KCNQ4: variants seen among roughly 807,000 people sequenced by gnomAD.
KCNQ4 encodes potassium voltage-gated channel subfamily KQT member 4.
Under a neutral mutation model 72.6 loss-of-function variants are expected in KCNQ4, and 31 were observed. The observed-to-expected ratio is 0.43, with a 90% CI of 0.32 to 0.58. The LOEUF is 0.58. Ranked by LOEUF, KCNQ4 falls within the 20% of genes least tolerant of loss-of-function variation. The probability of loss-of-function intolerance (pLI) is 0.08; values close to 1 mark genes in which losing one functional copy is unlikely to be tolerated. For missense variants in KCNQ4, 869 were observed against 962.6 expected (o/e 0.90, Z 1.29); for synonymous variants, 405 against 403.7 (o/e 1.00, Z -0.04).
chr1:40,837,714 A>G lies in KCNQ4; in HGVS notation c.1795A>G (p.Lys599Glu). 4 of 1,613,354 alleles carry G rather than the reference A, an allele frequency of 2.5e-6. No homozygotes were observed. The East Asian group carries it at 8.9e-5, about 36-fold the overall frequency. Reference protein sequence around the residue: ...RGPGDRKAREKGDKGPSDAEV... With the variant: ...RGPGDRKAREEGDKGPSDAEV... ...GCCCGGGGACAGGAAGGCCCGGGAG[A>G]AGGGCGACAAGGGGCCCTCCGACGC... The change falls in exon 13 of 14, where the codon AAG becomes GAG. Residue 599 changes from lysine to glutamate, a missense_variant. This residue lies in a region of KCNQ4 where 480 missense variants were observed against 501.9 expected (regional missense o/e 0.96). Transcript: ENST00000347132.
rs1471929152 is a variant in KCNQ4, at chr1:40,784,581, G to T, written c.314+174G>T. The stretch of plus-strand genomic sequence containing the variant: ...ATCCCCTCGCTGAGCCCGACCCTAA[G>T]CCCTGATCTCCCAGGCCTGACCCCT... On this transcript the variant is annotated intron_variant, in intron 1 of 13. Coordinates refer to ENST00000347132, the MANE Select transcript of KCNQ4 (RefSeq NM_004700.4). This position sits in a 1 kb window ranked among gnomAD's most constrained non-coding sequence, Gnocchi z 4.1. Among the ~76,000 whole-genome samples, 1 of 151,902 alleles carries T rather than the reference G, an allele frequency of 6.6e-6. No individual in the cohort carries two copies. Among genetic ancestry groups the T allele is most frequent in the African/African-American group, 2.4e-5 (1 of 41,358 alleles).
chr1:40,820,370 A>G (rs2148320550), intron 7 of KCNQ4, 110 bp downstream of exon 7: 1 of 927,116 alleles, frequency 1.1e-6, no homozygotes, highest in East Asian at 2.6e-5. Flanking sequence ...ACCACTTTGA[A>G]GCTCAAAAGG....
In KCNQ4 at chr1:40,794,409, A is replaced by G. The variant is rs1429060695; in HGVS notation, c.314+10002A>G. On this transcript the variant is annotated intron_variant, in intron 1 of 13. Coordinates refer to ENST00000347132, the MANE Select transcript of KCNQ4 (RefSeq NM_004700.4). This position sits in a 1 kb window ranked among gnomAD's most constrained non-coding sequence, Gnocchi z 4.2. Reference sequence around the variant, plus strand: ...TTCCAGTACCCGCTAGGTAGCAGGCACTATTATTGTTCCCATTTTGCAGAC... The same window carrying G: ...TTCCAGTACCCGCTAGGTAGCAGGCGCTATTATTGTTCCCATTTTGCAGAC... Among the ~76,000 whole-genome samples the G allele has an allele frequency of 6.6e-6, 1 of 152,192 alleles. No individual in the cohort carries two copies. The highest frequency in any genetic ancestry group is 1.9e-4 in the East Asian group (1 of 5,196).
intron 1 of KCNQ4, among the ~76,000 whole-genome samples, chr1:40,808,096 G>A (rs905997250): frequency 8.6e-5 from 13 of 151,270 alleles, no homozygotes; most frequent in African/African-American, 3.2e-4. Flanking sequence ...AACAGAGCAA[G>A]ACCCTGTCTC....
At chr1:40,809,172 G>A (rs1226824375) in intron 1 of KCNQ4, among the ~76,000 whole-genome samples, 2 of 152,146 alleles carry the variant, frequency 1.3e-5, no homozygotes, top group East Asian at 3.8e-4. Flanking sequence ...TCTCTCTTCT[G>A]CTTTCCCTCC....
intron 9 of KCNQ4, among the ~76,000 whole-genome samples, chr1:40,827,985 C>T (rs1434867652): frequency 6.6e-6 from 1 of 152,200 alleles, no homozygotes; most frequent in Non-Finnish European, 1.5e-5. Flanking sequence ...GTCTCTGGGT[C>T]AGGCCCGCCA....
At position 40,837,726 on chromosome 1, in the gene KCNQ4, G is replaced by A. The variant is rs755220278; in HGVS notation, c.1807G>A (p.Gly603Arg). ...DRKAREKGDK[G>R]PSDAEVVDEI... ...GAAGGCCCGGGAGAAGGGCGACAAG[G>A]GGCCCTCCGACGCGGAGGTGGTGGA... Residue 603 changes from glycine to arginine, a missense_variant, in exon 13 of 14, where the codon GGG (glycine) becomes AGG (arginine). Gly to Arg is a moderately radical substitution (Grantham distance 125). Transcript: ENST00000347132. The A allele has an allele frequency of 6.2e-7, 1 of 1,613,242 alleles. No individual in the cohort carries two copies. The highest frequency in any genetic ancestry group is 2.2e-5 in the East Asian group (1 of 44,864).
chr1:40,821,827 A>G (rs1427252739), intron 7 of KCNQ4, among the ~76,000 whole-genome samples: 1 of 152,222 alleles, frequency 6.6e-6, no homozygotes, highest in Non-Finnish European at 1.5e-5. Context: ...GATAAGGGGA[A>G]TAACAGGAGT....
In KCNQ4 at chr1:40,839,395, C is replaced by G. The variant is rs553396463; in HGVS notation, c.*872C>G. On this transcript the variant is annotated 3_prime_UTR_variant, in exon 14 of 14. Transcript: ENST00000347132. ...AGTGCTTCGTGGACGATCGCACAAACATAGCCTTTTAGTTTCTCCAGACAG... is the reference window on the plus strand; with the variant it reads ...AGTGCTTCGTGGACGATCGCACAAAGATAGCCTTTTAGTTTCTCCAGACAG... 1.3e-5 allele frequency: 2 copies of G among 152,372 alleles called. No individual in the cohort carries two copies. Among genetic ancestry groups the G allele is most frequent in the Admixed American group, 1.3e-4 (2 of 15,284 alleles). The allele number at this position is 152,372 out of a possible 1,614,324, so 9.4% of individuals were successfully genotyped here. A position where few individuals can be genotyped will look rare whatever the true frequency, so the allele number is the denominator to read the frequency against.
intron 1 of KCNQ4, among the ~76,000 whole-genome samples, chr1:40,810,435 C>T (rs950644050): frequency 6.6e-6 from 1 of 152,188 alleles, no homozygotes; most frequent in Non-Finnish European, 1.5e-5. Flanking sequence ...GTTGTTAATT[C>T]CTTGGGACCT....
intron 1 of KCNQ4, among the ~76,000 whole-genome samples, chr1:40,787,820 C>T (rs1013021176): frequency 6.6e-6 from 1 of 152,246 alleles, no homozygotes; most frequent in Non-Finnish European, 1.5e-5. Context: ...GGAATGCTCG[C>T]TGTCCCCTTG....
intron 12 of KCNQ4, among the ~76,000 whole-genome samples, chr1:40,836,179 G>C (rs1471594531): frequency 1.3e-5 from 2 of 152,196 alleles, no homozygotes; most frequent in Non-Finnish European, 2.9e-5. Context: ...TGGGGACTTG[G>C]AACAGAGTGG....
At chr1:40,811,914 C>T (rs1043960523) in intron 1 of KCNQ4, among the ~76,000 whole-genome samples, 1 of 152,240 alleles carries the variant, frequency 6.6e-6, no homozygotes, top group African/African-American at 2.4e-5. Context: ...GATGGAGAAA[C>T]TGAGGTCCCA....
intron 1 of KCNQ4, among the ~76,000 whole-genome samples, chr1:40,791,934 A>G (rs1416398741): frequency 6.6e-6 from 1 of 151,486 alleles, no homozygotes; most frequent in East Asian, 1.9e-4. Context: ...GACAACATTT[A>G]CTCGAATTGT....
rs374409211 is a variant in KCNQ4, at chr1:40,838,408, C to A, written c.1973C>A (p.Pro658Gln). Reference sequence around the variant, plus strand: ...GCCAGCCTGGGCGCCGTGCAAGTGCCGCTGTTCGACCCCGACATCACCTCC... The same window carrying A: ...GCCAGCCTGGGCGCCGTGCAAGTGCAGCTGTTCGACCCCGACATCACCTCC... ...TSASLGAVQVPLFDPDITSDY... is the reference protein window; with the variant it reads ...TSASLGAVQVQLFDPDITSDY... Residue 658 changes from proline to glutamine, a missense_variant, in exon 14 of 14, where the codon CCG (proline) becomes CAG (glutamine). Around this residue, in one of 5 missense-constraint regions of KCNQ4, gnomAD observed 480 missense variants for 501.9 expected, o/e 0.96. Coordinates refer to ENST00000347132, the MANE Select transcript of KCNQ4 (RefSeq NM_004700.4). 20 of 1,614,016 alleles carry A rather than the reference C, an allele frequency of 1.2e-5. No homozygotes were observed. Among genetic ancestry groups the A allele is most frequent in the Non-Finnish European group, 1.6e-5 (19 of 1,179,972 alleles).
In KCNQ4 at chr1:40,835,010, C is replaced by A; in HGVS notation, c.1657C>A (p.Leu553Met). Residue 553 changes from leucine (L) to methionine (M), a missense_variant, in exon 12 of 14, where the codon CTG (leucine) becomes ATG (methionine). This residue lies in a region of KCNQ4 where 480 missense variants were observed against 501.9 expected (regional missense o/e 0.96). Coordinates refer to ENST00000347132, the MANE Select transcript of KCNQ4 (RefSeq NM_004700.4). Reference sequence around the variant, plus strand: ...GGCCAAAAGGAAATTCAAGGAGACACTGCGACCGTACGACGTGAAGGACGT... The same window carrying A: ...GGCCAAAAGGAAATTCAAGGAGACAATGCGACCGTACGACGTGAAGGACGT... Reference protein sequence around the residue: ...LVAKRKFKETLRPYDVKDVIE... With the variant: ...LVAKRKFKETMRPYDVKDVIE... The A allele has an allele frequency of 6.2e-7, 1 of 1,614,076 alleles. No individual in the cohort carries two copies. Among genetic ancestry groups the A allele is most frequent in the South Asian group, 1.1e-5 (1 of 91,082 alleles).
In KCNQ4 at chr1:40,839,014, C is replaced by A; in HGVS notation, c.*491C>A. 4.6e-6 allele frequency: 1 copy of A among 219,080 alleles called. No individual in the cohort carries two copies. 13.6% of individuals were successfully genotyped at this position (219,080 alleles called of 1,614,324 possible). The stretch of plus-strand genomic sequence containing the variant: ...ACCCACAAAGCACAGGACCCTGCCA[C>A]AAGGCAGGTGGACACCATATATGCA... On this transcript the variant is annotated 3_prime_UTR_variant, in exon 14 of 14. Transcript: ENST00000347132.
chr1:40,837,159 C>T (rs776031407), intron 12 of KCNQ4, among the ~76,000 whole-genome samples: 2 of 151,396 alleles, frequency 1.3e-5, no homozygotes, highest in African/African-American at 2.4e-5. Flanking sequence ...GCAATCACAG[C>T]GCACTGCAGC....
chr1:40,818,298 G>A lies in KCNQ4; in HGVS notation c.532+8G>A. Reference sequence around the variant, plus strand: ...AGCCCTTCTGTGTCATCGGTAATGAGGCGCGCCCCGCCCGACCTGACCCCT... The same window carrying A: ...AGCCCTTCTGTGTCATCGGTAATGAAGCGCGCCCCGCCCGACCTGACCCCT... On this transcript the variant is annotated splice_region_variant and intron_variant, in intron 3 of 13. Transcript: ENST00000347132. The A allele has an allele frequency of 6.2e-7, 1 of 1,613,566 alleles. No homozygotes were observed. The highest frequency in any genetic ancestry group is 8.5e-7 in the Non-Finnish European group (1 of 1,180,034).
Sources: gnomAD v4.1 joint callset for allele counts (sites outside exome capture counted in the v4.1 genomes callset) on GRCh38, gnomAD v4.1.1 for gene constraint, gnomAD v4.1.1 regional missense constraint, Gnocchi (gnomAD v3.1) non-coding constraint, MANE v1.5 for transcripts, NCBI Gene and HGNC (gene_info 2026-07-23, HGNC 2026-07-21) for gene names.